The following MEIS1 variants were observed in gnomAD, a reference collection of about 807,000 sequenced individuals.
The protein encoded by MEIS1 is Meis homeobox 1.
MEIS1 carries 5 observed loss-of-function variants against 50.8 expected under a neutral mutation model. The observed-to-expected ratio is 0.10, with a 90% CI of 0.05 to 0.21. The LOEUF (loss-of-function observed/expected upper bound fraction) is 0.21, where lower values mean the gene tolerates loss of function less well. Ranked by LOEUF, MEIS1 falls within the 10% of genes least tolerant of loss-of-function variation. The pLI is 1.00. For synonymous variants in MEIS1, 176 were observed against 179.3 expected (o/e 0.98, Z 0.15); for missense variants, 318 against 517.3 (o/e 0.61, Z 3.74).
intron 7 of MEIS1, among the ~76,000 whole-genome samples, chr2:66,476,000 C>T (rs967386107): frequency 1.3e-5 from 2 of 152,138 alleles, no homozygotes; most frequent in African/African-American, 4.8e-5. Flanking sequence ...CTTCTTCTGA[C>T]CATTCTCTGG....
chr2:66,498,574 C>T (rs888362842), intron 7 of MEIS1, among the ~76,000 whole-genome samples: 2 of 152,086 alleles, frequency 1.3e-5, no homozygotes, highest in African/African-American at 4.8e-5. Context: ...TCTGATAGGT[C>T]AGTTAGTCTT....
intron 6 of MEIS1, chr2:66,445,256 C>G (rs1036430944): frequency 6.6e-6 from 1 of 152,426 alleles, no homozygotes; most frequent in South Asian, 2.1e-4. Context: ...CCCCCTGGGG[C>G]TCACCCAAGT....
chr2:66,485,582 T>C (rs1389893141), intron 7 of MEIS1, among the ~76,000 whole-genome samples: 3 of 152,212 alleles, frequency 2.0e-5, no homozygotes, highest in Non-Finnish European at 4.4e-5. Context: ...GTCTTTATAG[T>C]AGAATGATTT....
chr2:66,469,813 T>G (rs1036534619), intron 7 of MEIS1, among the ~76,000 whole-genome samples: 1 of 152,156 alleles, frequency 6.6e-6, no homozygotes, highest in South Asian at 2.1e-4. Flanking sequence ...ACAGAAGATA[T>G]TTTAATTTGA....
chr2:66,456,899 C>T (rs893888471), intron 6 of MEIS1, among the ~76,000 whole-genome samples: 23 of 152,208 alleles, frequency 1.5e-4, no homozygotes, highest in African/African-American at 5.5e-4. Flanking sequence ...CAGCAGTGCA[C>T]AGTGTGGACT....
chr2:66,448,171 C>T (rs1402441508), intron 6 of MEIS1, among the ~76,000 whole-genome samples: 1 of 151,882 alleles, frequency 6.6e-6, no homozygotes, highest in Non-Finnish European at 1.5e-5. Context: ...AAATGTGGGC[C>T]GGGCTTTCAA....
chr2:66,439,275 C>T (rs1256363689), intron 2 of MEIS1: 9 of 1,073,082 alleles, frequency 8.4e-6, no homozygotes, highest in Non-Finnish European at 9.0e-6. Flanking sequence ...GGAGGAGCCT[C>T]CCGGCTCTCC....
At chr2:66,514,020 A>G (rs1180091148) in intron 8 of MEIS1, among the ~76,000 whole-genome samples, 1 of 152,230 alleles carries the variant, frequency 6.6e-6, no homozygotes, top group Non-Finnish European at 1.5e-5. Flanking sequence ...AGAAATAACC[A>G]GCTAACTCGC....
At chr2:66,563,792 T>A (rs1675274151) in intron 9 of MEIS1, among the ~76,000 whole-genome samples, 1 of 152,158 alleles carries the variant, frequency 6.6e-6, no homozygotes, top group Non-Finnish European at 1.5e-5. Flanking sequence ...GTATCTGAAT[T>A]CACCCTGAAG....
intron 12 of MEIS1, chr2:66,571,016 G>A (rs952370808): frequency 4.0e-6 from 2 of 498,724 alleles, no homozygotes; most frequent in Non-Finnish European, 3.5e-6. Flanking sequence ...GACCTCAGTA[G>A]GCGGACCTGA....
rs945033521 is a variant in MEIS1, at chr2:66,573,187, C to T, written c.*1979C>T. ...TTTTTATAAATATGCTCTATGTTCT[C>T]ATTGGATAAAACTGGTTATTAACCA... On this transcript the variant is annotated 3_prime_UTR_variant, in exon 13 of 13. Coordinates refer to ENST00000272369, the MANE Select transcript of MEIS1 (RefSeq NM_002398.3). The T allele has an allele frequency of 6.6e-6, 1 of 152,176 alleles. No homozygotes were observed. The highest frequency in any genetic ancestry group is 6.5e-5 in the Admixed American group (1 of 15,280). 9.4% of individuals were successfully genotyped at this position (152,176 alleles called of 1,614,324 possible).
chr2:66,507,011 A>C (rs950375579), intron 7 of MEIS1, among the ~76,000 whole-genome samples: 3 of 152,180 alleles, frequency 2.0e-5, no homozygotes, highest in African/African-American at 7.2e-5. Context: ...ATTTTCCCTC[A>C]TGTAGATACT....
At chr2:66,568,449 CT>C in intron 10 of MEIS1, 1 of 451,896 alleles carries the variant, frequency 2.2e-6, no homozygotes, top group South Asian at 2.3e-5. Flanking sequence ...GTTTCCACAC[CT>C]TAACTGTTCC....
intron 8 of MEIS1, among the ~76,000 whole-genome samples, chr2:66,533,584 A>G (rs1391403571): frequency 6.6e-6 from 1 of 152,194 alleles, no homozygotes; most frequent in African/African-American, 2.4e-5. Context: ...GTGAAGCTCA[A>G]ATAAACTCAA....
At chr2:66,440,402 T>A in intron 3 of MEIS1, 160 bp from the exon 4 acceptor site, 1 of 675,990 alleles carries the variant, frequency 1.5e-6, no homozygotes, top group Non-Finnish European at 2.7e-6. Flanking sequence ...GAAATGTTTC[T>A]GCGCGGGACG....
chr2:66,539,895 G>A (rs1481995009), intron 8 of MEIS1, among the ~76,000 whole-genome samples: 2 of 152,102 alleles, frequency 1.3e-5, no homozygotes, highest in African/African-American at 4.8e-5. Flanking sequence ...GAGGAGCAGG[G>A]AAATGGCAAC....
intron 7 of MEIS1, among the ~76,000 whole-genome samples, chr2:66,503,340 C>T (rs974659473): frequency 1.3e-5 from 2 of 152,174 alleles, no homozygotes; most frequent in African/African-American, 4.8e-5. Flanking sequence ...CCTCCAGCCA[C>T]ACAAGGCCTT....
At chr2:66,550,595 C>T (rs1290395989) in intron 9 of MEIS1, among the ~76,000 whole-genome samples, 1 of 151,976 alleles carries the variant, frequency 6.6e-6, no homozygotes, top group Non-Finnish European at 1.5e-5. Flanking sequence ...ACTCCTAGCT[C>T]AAGTAATCCT....
intron 8 of MEIS1, among the ~76,000 whole-genome samples, chr2:66,521,247 C>A (rs767638455): frequency 4.6e-5 from 7 of 152,214 alleles, no homozygotes; most frequent in Admixed American, 2.6e-4. Context: ...ATATGTAATT[C>A]TCTACCCATG....
Sources: gnomAD v4.1 joint callset for allele counts (sites outside exome capture counted in the v4.1 genomes callset) on GRCh38, gnomAD v4.1.1 for gene constraint, MANE v1.5 for transcripts, NCBI Gene and HGNC (gene_info 2026-07-23, HGNC 2026-07-21) for gene names.